Variants in FAF1 observed in about 807,000 individuals in gnomAD.
FAF1 encodes the protein Fas associated factor 1.
Under a neutral mutation model 92.5 loss-of-function variants are expected in FAF1, and 25 were observed. The observed-to-expected ratio is 0.27, with a 90% CI of 0.20 to 0.38. The LOEUF is 0.38. Among genes scored for constraint, FAF1 ranks in the 10% least tolerant of loss-of-function variants. The probability of loss-of-function intolerance (pLI) is 1.00; values close to 1 mark genes in which losing one functional copy is unlikely to be tolerated. For synonymous variants in FAF1, 234 were observed against 273.2 expected, an observed-to-expected ratio of 0.86 and a Z score of 1.42; for missense variants, 636 against 793.3, an observed-to-expected ratio of 0.80 and a Z score of 2.38.
chr1:50,520,895 G>T (rs573389221), intron 15 of FAF1, among the ~76,000 whole-genome samples: 2 of 152,232 alleles, frequency 1.3e-5, no homozygotes, highest in Non-Finnish European at 2.9e-5. Flanking sequence ...TGACTATAAA[G>T]ATTGTTCCTT....
chr1:50,775,956 A>C (rs1194436493), intron 4 of FAF1, among the ~76,000 whole-genome samples: 1 of 152,136 alleles, frequency 6.6e-6, no homozygotes, highest in Non-Finnish European at 1.5e-5. Flanking sequence ...CATAATACTC[A>C]TAAGGCAATA....
chr1:50,491,636 T>G, intron 16 of FAF1, 85 bp downstream of exon 16: 1 of 935,744 alleles, frequency 1.1e-6, no homozygotes, highest in Non-Finnish European at 1.7e-6. Flanking sequence ...AAACCCAGTA[T>G]TTTTAGGGAT....
intron 1 of FAF1, among the ~76,000 whole-genome samples, chr1:50,888,415 GA>G (rs1644688210): frequency 6.6e-6 from 1 of 152,134 alleles, no homozygotes; most frequent in Admixed American, 6.5e-5. Context: ...ACACTATGTT[GA>G]AAAGAAGTGG....
intron 6 of FAF1, among the ~76,000 whole-genome samples, chr1:50,715,838 T>G (rs569574256): frequency 6.6e-6 from 1 of 152,340 alleles, no homozygotes; most frequent in African/African-American, 2.4e-5. Flanking sequence ...AAATTAGGTA[T>G]AGCAAATTTT....
rs1569829931 is a variant in FAF1, at chr1:50,719,582, G to A, written c.552-13691C>T. ...CATCAAAATGTATTAACCAAAGTAT[G>A]TAAAATTAATCAAAATGTGGTAATT... On this transcript the variant is annotated intron_variant, in intron 6 of 18. Transcript: ENST00000396153. Among the ~76,000 whole-genome samples, 3 of 152,296 alleles carry A rather than the reference G, an allele frequency of 2.0e-5. 1 individual carries two copies. The highest frequency in any genetic ancestry group is 2.0e-4 in the Admixed American group (3 of 15,304).
rs531951140 is a variant in FAF1, at chr1:50,642,122, G to A, written c.744+13320C>T. On this transcript the variant is annotated intron_variant, in intron 8 of 18. Coordinates refer to ENST00000396153, the MANE Select transcript of FAF1 (RefSeq NM_007051.3). ...TGAGGCTGAGGCACGAGAATTGCTT[G>A]AACCCTGGAGGCGGAGGTTGCAGTG... 6.6e-5 allele frequency among the ~76,000 whole-genome samples: 10 copies of A among 150,578 alleles called. No individual in the cohort carries two copies. The South Asian group carries it at 2.1e-3, about 31-fold the overall frequency.
chr1:50,862,153 T>C (rs971807479), intron 1 of FAF1, among the ~76,000 whole-genome samples: 1 of 149,598 alleles, frequency 6.7e-6, no homozygotes, highest in African/African-American at 2.5e-5. Context: ...TCCAGAGATA[T>C]CATACTGTAT....
At chr1:50,681,742 C>T (rs1656434465) in intron 7 of FAF1, among the ~76,000 whole-genome samples, 1 of 151,266 alleles carries the variant, frequency 6.6e-6, no homozygotes, top group African/African-American at 2.4e-5. Context: ...TGGTCTCCAA[C>T]TCCTGACCTC....
In FAF1 at chr1:50,956,213, C is replaced by T. The variant is rs1004870297; in HGVS notation, c.45+3554G>A. 2.6e-5 allele frequency among the ~76,000 whole-genome samples: 4 copies of T among 152,000 alleles called. No individual in the cohort carries two copies. The East Asian group carries it at 7.7e-4, about 29-fold the overall frequency. The stretch of plus-strand genomic sequence containing the variant: ...ATTGGGGGAGGATTTTCTTAGAGGA[C>T]AATTTGGGGTAATATTTGCTTTGTA... On this transcript the variant is annotated intron_variant, in intron 1 of 18. Coordinates refer to ENST00000396153, the MANE Select transcript of FAF1 (RefSeq NM_007051.3).
chr1:50,861,892 C>G (rs1644436269), intron 1 of FAF1, among the ~76,000 whole-genome samples: 1 of 151,686 alleles, frequency 6.6e-6, no homozygotes, highest in African/African-American at 2.4e-5. Flanking sequence ...GAGCCCTCAC[C>G]AGAAACTGAC....
intron 9 of FAF1, among the ~76,000 whole-genome samples, chr1:50,591,378 G>A (rs926960453): frequency 6.6e-6 from 1 of 152,110 alleles, no homozygotes; most frequent in Non-Finnish European, 1.5e-5. Flanking sequence ...CCACTTAAAA[G>A]TCTTTTACTG....
At chr1:50,633,629 A>C (rs1378095138) in intron 8 of FAF1, among the ~76,000 whole-genome samples, 1 of 152,228 alleles carries the variant, frequency 6.6e-6, no homozygotes, top group Admixed American at 6.5e-5. Flanking sequence ...CCAGCAGGGA[A>C]TAAGTATCTG....
At chr1:50,691,650 G>C (rs1656929990) in intron 7 of FAF1, among the ~76,000 whole-genome samples, 1 of 151,934 alleles carries the variant, frequency 6.6e-6, no homozygotes, top group Admixed American at 6.6e-5. Context: ...GGAGTGCAAT[G>C]GCGCGATCTC....
chr1:50,518,270 C>T (rs556324279), intron 15 of FAF1, among the ~76,000 whole-genome samples: 2 of 152,210 alleles, frequency 1.3e-5, no homozygotes, highest in Non-Finnish European at 2.9e-5. Context: ...GTGATACATT[C>T]AAGCTGCTGT....
chr1:50,853,265 A>G (rs1644365349), intron 2 of FAF1, among the ~76,000 whole-genome samples: 1 of 152,158 alleles, frequency 6.6e-6, no homozygotes, highest in Non-Finnish European at 1.5e-5. Flanking sequence ...TCAAAAGTGA[A>G]AATTGGAGGA....
At chr1:50,686,471 G>A (rs1371957204) in intron 7 of FAF1, among the ~76,000 whole-genome samples, 1 of 152,042 alleles carries the variant, frequency 6.6e-6, no homozygotes, top group African/African-American at 2.4e-5. Context: ...GAACCTGGGA[G>A]GTGGAAGTTG....
intron 15 of FAF1, among the ~76,000 whole-genome samples, chr1:50,513,726 C>T (rs544089681): frequency 6.6e-6 from 1 of 152,090 alleles, no homozygotes; most frequent in Non-Finnish European, 1.5e-5. Flanking sequence ...TATTTCAAAG[C>T]TTACAAAGCA....
chr1:50,650,037 C>T (rs1654785174), intron 8 of FAF1, among the ~76,000 whole-genome samples: 1 of 151,974 alleles, frequency 6.6e-6, no homozygotes, highest in Non-Finnish European at 1.5e-5. Context: ...GTAATCCCAG[C>T]ACTCTGGGAG....
At chr1:50,871,145 A>G (rs924127087) in intron 1 of FAF1, among the ~76,000 whole-genome samples, 16 of 152,368 alleles carry the variant, frequency 1.1e-4, no homozygotes, top group African/African-American at 3.8e-4. Context: ...ACTTGCTTAC[A>G]TTCTACGACA....
Sources: gnomAD v4.1 joint callset for allele counts (sites outside exome capture counted in the v4.1 genomes callset) on GRCh38, gnomAD v4.1.1 for gene constraint, MANE v1.5 for transcripts, NCBI Gene and HGNC (gene_info 2026-07-23, HGNC 2026-07-21) for gene names.